Variants in KCNK13 observed in about 807,000 individuals in gnomAD.
KCNK13 encodes the protein potassium two pore domain channel subfamily K member 13.
A neutral mutation model predicts 23.4 loss-of-function variants in KCNK13; 12 were observed. The ratio of observed to expected loss-of-function variants is 0.51; its 90% confidence interval spans 0.33 to 0.83. KCNK13 has a LOEUF of 0.83. KCNK13 is among the 40% of genes least tolerant of loss of function. The pLI, the probability that KCNK13 is intolerant of heterozygous loss-of-function variation, is 0.02. For synonymous variants in KCNK13, 231 were observed against 229.5 expected (o/e 1.01, Z -0.06); for missense variants, 463 against 556.3 (o/e 0.83, Z 1.69).
At chr14:90,123,502 T>C (rs1221228191) in intron 1 of KCNK13, among the ~76,000 whole-genome samples, 1 of 152,172 alleles carries the variant, frequency 6.6e-6, no homozygotes, top group Non-Finnish European at 1.5e-5. Context: ...CCAAATACAG[T>C]CACATTCTGA....
chr14:90,172,205 T>A (rs1339704301), intron 1 of KCNK13, among the ~76,000 whole-genome samples: 1 of 151,480 alleles, frequency 6.6e-6, no homozygotes, highest in Non-Finnish European at 1.5e-5. Context: ...TAATCCCAGC[T>A]ACATGGGAGG....
chr14:90,131,374 G>A (rs1889868887), intron 1 of KCNK13, among the ~76,000 whole-genome samples: 1 of 152,010 alleles, frequency 6.6e-6, no homozygotes, highest in South Asian at 2.1e-4. Flanking sequence ...TGGGACTACA[G>A]GCACGTGCCA....
At chr14:90,089,185 A>T (rs1235825274) in intron 1 of KCNK13, among the ~76,000 whole-genome samples, 4 of 152,224 alleles carry the variant, frequency 2.6e-5, no homozygotes, top group Non-Finnish European at 5.9e-5. Context: ...AAAATGTGGG[A>T]AAGTTTGGAA....
intron 1 of KCNK13, among the ~76,000 whole-genome samples, chr14:90,095,755 T>C (rs779637413): frequency 3.9e-5 from 6 of 152,184 alleles, no homozygotes; most frequent in Non-Finnish European, 8.8e-5. Context: ...GGATGTCTTC[T>C]AATTCAGTTC....
intron 1 of KCNK13, among the ~76,000 whole-genome samples, chr14:90,139,475 G>C (rs968347297): frequency 0.016 from 2 of 124 alleles, no homozygotes; most frequent in Non-Finnish European, 0.019. Flanking sequence ...CGAGCATGCG[G>C]GGGCCCTGTA....
intron 1 of KCNK13, among the ~76,000 whole-genome samples, chr14:90,112,742 C>T (rs533012207): frequency 6.6e-6 from 1 of 151,808 alleles, no homozygotes; most frequent in Non-Finnish European, 1.5e-5. Flanking sequence ...CTTGGCAAAT[C>T]TGGATATGCA....
intron 1 of KCNK13, chr14:90,107,562 T>A (rs958366524): frequency 8.8e-6 from 4 of 452,206 alleles, no homozygotes; most frequent in Non-Finnish European, 1.6e-5. Flanking sequence ...AACATTACGA[T>A]TGTGCAAAAG....
chr14:90,137,703 TAAATG>T (rs1220947044), intron 1 of KCNK13, among the ~76,000 whole-genome samples: 1 of 152,142 alleles, frequency 6.6e-6, no homozygotes, highest in African/African-American at 2.4e-5. Flanking sequence ...ATGGAGGAAA[TAAATG>T]AGATGTAAAA....
At chr14:90,120,698 C>T (rs28456312) in intron 1 of KCNK13, among the ~76,000 whole-genome samples, 41,460 of 151,920 alleles carry the variant, frequency 0.27, 5,843 homozygotes, top group East Asian at 0.36. Flanking sequence ...TTAAAATTTA[C>T]GATGAGATTT....
At chr14:90,174,031 G>A (rs981689772) in intron 1 of KCNK13, among the ~76,000 whole-genome samples, 2 of 152,136 alleles carry the variant, frequency 1.3e-5, no homozygotes, top group Admixed American at 6.5e-5. Flanking sequence ...TCTCGGCCAG[G>A]CGCAGTGGCT....
intron 1 of KCNK13, among the ~76,000 whole-genome samples, chr14:90,152,115 G>A (rs1204852560): frequency 6.6e-6 from 1 of 152,206 alleles, no homozygotes; most frequent in Admixed American, 6.5e-5. Flanking sequence ...CCAGATGGGA[G>A]GTAATTGAAT....
intron 1 of KCNK13, among the ~76,000 whole-genome samples, chr14:90,109,301 TG>T (rs1249284505): frequency 2.0e-5 from 3 of 151,284 alleles, no homozygotes; most frequent in South Asian, 2.1e-4. Context: ...TACCTATAGA[TG>T]AAAAAAAAGA....
At chr14:90,069,990 A>C (rs1889054847) in intron 1 of KCNK13, among the ~76,000 whole-genome samples, 1 of 152,332 alleles carries the variant, frequency 6.6e-6, no homozygotes, top group Non-Finnish European at 1.5e-5. Context: ...TATAAAAAAA[A>C]AGTAGAAATC....
At chr14:90,140,963 G>A (rs10149074) in intron 1 of KCNK13, among the ~76,000 whole-genome samples, 151,944 of 152,304 alleles carry the variant, frequency 1, 75,795 homozygotes, top group Middle Eastern at 1. Flanking sequence ...AAGTTACGTT[G>A]TTTCTCAGCT....
chr14:90,177,309 T>G (rs1783975414), intron 1 of KCNK13: 1 of 152,212 alleles, frequency 6.6e-6, no homozygotes, highest in African/African-American at 2.4e-5. Context: ...CCATTCTCAC[T>G]ACTGCACTTG....
chr14:90,183,030 G>A (rs1055584450), intron 1 of KCNK13, among the ~76,000 whole-genome samples: 1 of 152,118 alleles, frequency 6.6e-6, no homozygotes, highest in African/African-American at 2.4e-5. Flanking sequence ...AGAGTGGGCT[G>A]ACCCTCATTG....
intron 1 of KCNK13, among the ~76,000 whole-genome samples, chr14:90,087,245 C>T (rs541849170): frequency 7.0e-4 from 105 of 150,158 alleles, no homozygotes; most frequent in African/African-American, 2.4e-3. Context: ...CTCAGCCTTT[C>T]AAAGTGCTGG....
chr14:90,141,751 C>G (rs1173926380), intron 1 of KCNK13, among the ~76,000 whole-genome samples: 1 of 148,790 alleles, frequency 6.7e-6, no homozygotes, highest in Non-Finnish European at 1.5e-5. Flanking sequence ...AGCCACCACG[C>G]CCAGCCTTAT....
intron 1 of KCNK13, among the ~76,000 whole-genome samples, chr14:90,064,393 A>G (rs1227937409): frequency 6.6e-6 from 1 of 151,226 alleles, no homozygotes; most frequent in African/African-American, 2.5e-5. Context: ...AGGTGCATCC[A>G]TGTAGCAGGA....
Sources: allele counts gnomAD v4.1 joint callset (sites outside exome capture counted in the v4.1 genomes callset), GRCh38; gene constraint gnomAD v4.1.1; transcripts MANE v1.5; gene names NCBI Gene and HGNC (gene_info 2026-07-23, HGNC 2026-07-21).